The following SLC4A4 variants were observed in gnomAD, a reference collection of about 807,000 sequenced individuals.
SLC4A4 encodes electrogenic sodium bicarbonate cotransporter 1.
Under a neutral mutation model 111.5 loss-of-function variants are expected in SLC4A4, and 27 were observed. That is an observed-to-expected ratio of 0.24 (90% CI 0.18 to 0.33). The LOEUF is 0.33. Ranked by LOEUF, SLC4A4 falls within the 10% of genes least tolerant of loss-of-function variation. SLC4A4 has a pLI of 1.00. For synonymous variants in SLC4A4, 443 were observed against 463.4 expected (o/e 0.96, Z 0.57); for missense variants, 909 against 1,315.5 (o/e 0.69, Z 4.78).
intron 7 of SLC4A4, among the ~76,000 whole-genome samples, chr4:71,424,555 G>A (rs1319034028): frequency 1.3e-5 from 2 of 151,902 alleles, no homozygotes; most frequent in Non-Finnish European, 2.9e-5. Flanking sequence ...TGTTTATTGT[G>A]GCACTATTCA....
At chr4:71,241,159 G>T (rs1720185963) in intron 2 of SLC4A4, among the ~76,000 whole-genome samples, 1 of 151,914 alleles carries the variant, frequency 6.6e-6, no homozygotes, top group Non-Finnish European at 1.5e-5. Flanking sequence ...AAGAAGTTTT[G>T]TTATCTTAGT....
intron 2 of SLC4A4, among the ~76,000 whole-genome samples, chr4:71,111,686 C>T (rs965339118): frequency 2.0e-5 from 3 of 146,752 alleles, no homozygotes; most frequent in African/African-American, 5.1e-5. Flanking sequence ...TGTGCCTGGC[C>T]GCTAAATTTC....
intron 2 of SLC4A4, among the ~76,000 whole-genome samples, chr4:71,110,630 T>C (rs540747910): frequency 6.6e-6 from 1 of 152,326 alleles, no homozygotes; most frequent in Non-Finnish European, 1.5e-5. Context: ...AGGGCAGGCA[T>C]ATCTAATGGT....
chr4:71,232,843 G>A (rs370551325), intron 1 of SLC4A4, among the ~76,000 whole-genome samples: 2 of 152,370 alleles, frequency 1.3e-5, no homozygotes, highest in African/African-American at 4.8e-5. Flanking sequence ...ATAGTGGGGT[G>A]CAGAAATGAT....
chr4:71,422,414 A>G (rs1319025169), intron 7 of SLC4A4, among the ~76,000 whole-genome samples: 12 of 149,072 alleles, frequency 8.0e-5, no homozygotes, highest in African/African-American at 2.7e-4. Flanking sequence ...AGGTACAAGG[A>G]GGAGCTGGTA....
intron 4 of SLC4A4, among the ~76,000 whole-genome samples, chr4:71,347,168 T>C (rs185462290): frequency 3.0e-4 from 46 of 152,224 alleles, no homozygotes; most frequent in Non-Finnish European, 5.9e-4. Context: ...GTATTCAAAG[T>C]CATATTTAAG....
At chr4:71,523,431 C>T (rs1433604968) in intron 16 of SLC4A4, among the ~76,000 whole-genome samples, 1 of 152,090 alleles carries the variant, frequency 6.6e-6, no homozygotes, top group African/African-American at 2.4e-5. Context: ...AAAAACTATA[C>T]AAATACTTCA....
At chr4:71,219,336 GCTCT>G (rs1718607856) in intron 1 of SLC4A4, among the ~76,000 whole-genome samples, 1 of 152,170 alleles carries the variant, frequency 6.6e-6, no homozygotes, top group African/African-American at 2.4e-5. Context: ...CTCTGCCTAT[GCTCT>G]GAAGATGGAA....
chr4:71,534,258 C>T lies in SLC4A4; in HGVS notation c.2312C>T (p.Pro771Leu). Residue 771 changes from proline (P) to leucine (L), a missense_variant, in exon 18 of 26, where the codon CCA becomes CTA. Coordinates refer to ENST00000264485, the MANE Select transcript of SLC4A4 (RefSeq NM_001098484.3). Reference sequence around the variant, plus strand: ...AGTCCAAACCGAGGTTGGTTCGTTCCACCGTTTGGAGAAAACCCCTGGTGG... The same window carrying T: ...AGTCCAAACCGAGGTTGGTTCGTTCTACCGTTTGGAGAAAACCCCTGGTGG... ...PTSPNRGWFV[P>L]PFGENPWWVC... The T allele has an allele frequency of 6.2e-7, 1 of 1,613,642 alleles. No homozygotes were observed. Among genetic ancestry groups the T allele is most frequent in the Non-Finnish European group, 8.5e-7 (1 of 1,179,778 alleles).
intron 2 of SLC4A4, among the ~76,000 whole-genome samples, chr4:71,141,320 C>T (rs573833102): frequency 6.6e-6 from 1 of 152,302 alleles, no homozygotes; most frequent in South Asian, 2.1e-4. Flanking sequence ...TTGCTTAAAA[C>T]CCTTACATCA....
At chr4:71,223,534 G>T (rs1052450692) in intron 1 of SLC4A4, among the ~76,000 whole-genome samples, 2 of 152,126 alleles carry the variant, frequency 1.3e-5, no homozygotes, top group Non-Finnish European at 2.9e-5. Context: ...GGGATTTAAA[G>T]AACTTATCAA....
chr4:71,133,923 G>A (rs114333033), intron 2 of SLC4A4, among the ~76,000 whole-genome samples: 2,264 of 152,150 alleles, frequency 0.015, 57 homozygotes, highest in African/African-American at 0.051. Flanking sequence ...CTGTCTTGCT[G>A]GCACAACCAT....
intron 1 of SLC4A4, among the ~76,000 whole-genome samples, chr4:71,074,596 G>A (rs2148931606): frequency 6.6e-6 from 1 of 151,518 alleles, no homozygotes; most frequent in Non-Finnish European, 1.5e-5. Flanking sequence ...AAGGAAAGGA[G>A]GGAGGAGGAA....
chr4:71,113,506 G>C (rs1345837311), intron 2 of SLC4A4, among the ~76,000 whole-genome samples: 1 of 152,198 alleles, frequency 6.6e-6, no homozygotes, highest in Non-Finnish European at 1.5e-5. Context: ...CTTATGGCAG[G>C]TAGAGTGCTG....
intron 8 of SLC4A4, among the ~76,000 whole-genome samples, chr4:71,441,379 T>C (rs1185102059): frequency 6.6e-6 from 1 of 152,204 alleles, no homozygotes; most frequent in African/African-American, 2.4e-5. Context: ...TCCACAGAGT[T>C]AGGAAGCTTG....
chr4:71,547,584 G>A, intron 19 of SLC4A4, 64 bp from the exon 20 acceptor site: 1 of 1,356,488 alleles, frequency 7.4e-7, no homozygotes, highest in Non-Finnish European at 1.1e-6. Flanking sequence ...TTTTGAAGGT[G>A]AAAAGACAAG....
rs370774541 is a variant in SLC4A4 at position 71,234,997 on chromosome 4, T to C, written c.-1-1579T>C. 3.3e-5 allele frequency among the ~76,000 whole-genome samples: 5 copies of C among 152,188 alleles called. No homozygotes were observed. In the East Asian group the frequency reaches 9.6e-4, roughly 29 times the overall value. Reference sequence around the variant, plus strand: ...CAGAAAGGAAGGAAATTTACAGTAATTAAACATGTAGTATGTGCTGAGTCC... The same window carrying C: ...CAGAAAGGAAGGAAATTTACAGTAACTAAACATGTAGTATGTGCTGAGTCC... On this transcript the variant is annotated intron_variant, in intron 1 of 25. Transcript: ENST00000264485.
At chr4:71,547,761 T>C in intron 20 of SLC4A4, 41 bp downstream of exon 20, 1 of 1,482,746 alleles carries the variant, frequency 6.7e-7, no homozygotes, top group South Asian at 1.1e-5. Context: ...CTCAGAACAC[T>C]GACATATAAT....
In SLC4A4 at chr4:71,569,113, G is replaced by A. The variant is rs1262308975; in HGVS notation, c.*1362G>A. On this transcript the variant is annotated 3_prime_UTR_variant, in exon 26 of 26. Transcript: ENST00000264485. ...GAAGGCAAAAGAGTGATGGTAGGCAGAGGGCAAAGTCATTGAATCTCTTAT... is the reference window on the plus strand; with the variant it reads ...GAAGGCAAAAGAGTGATGGTAGGCAAAGGGCAAAGTCATTGAATCTCTTAT... The A allele has an allele frequency of 6.6e-6, 1 of 151,626 alleles. No individual in the cohort carries two copies. Among genetic ancestry groups the A allele is most frequent in the African/African-American group, 2.4e-5 (1 of 41,336 alleles). 9.4% of individuals were successfully genotyped at this position (151,626 alleles called of 1,614,324 possible).
Sources: gnomAD v4.1 joint callset for allele counts (sites outside exome capture counted in the v4.1 genomes callset) on GRCh38, gnomAD v4.1.1 for gene constraint, MANE v1.5 for transcripts, NCBI Gene and HGNC (gene_info 2026-07-23, HGNC 2026-07-21) for gene names.